SLIT2: variants seen among roughly 807,000 people sequenced by gnomAD.
SLIT2 encodes the protein slit guidance ligand 2, also known as slit homolog 2 protein.
Under a neutral mutation model 185.7 loss-of-function variants are expected in SLIT2, and 41 were observed. The observed-to-expected ratio is 0.22, with a 90% CI of 0.17 to 0.29. SLIT2 has a LOEUF of 0.29. SLIT2 is among the 10% of genes least tolerant of loss of function. The pLI, the probability that SLIT2 is intolerant of heterozygous loss-of-function variation, is 1.00. For missense variants in SLIT2, 1,571 were observed against 1,909.0 expected, an observed-to-expected ratio of 0.82 and a Z score of 3.30; for synonymous variants, 693 against 680.2, an observed-to-expected ratio of 1.02 and a Z score of -0.29.
At chr4:20,441,956 T>G (rs561595750) in intron 4 of SLIT2, among the ~76,000 whole-genome samples, 5 of 152,268 alleles carry the variant, frequency 3.3e-5, no homozygotes, top group African/African-American at 9.6e-5. Context: ...TAAAGTAATT[T>G]TAATAAAACA....
intron 14 of SLIT2, among the ~76,000 whole-genome samples, chr4:20,524,460 A>G (rs949150868): frequency 6.6e-6 from 1 of 152,218 alleles, no homozygotes; most frequent in African/African-American, 2.4e-5. Context: ...ACTTAACCAG[A>G]GCCTTATAGC....
intron 12 of SLIT2, among the ~76,000 whole-genome samples, chr4:20,521,477 C>T (rs560656068): frequency 2.0e-5 from 3 of 152,320 alleles, no homozygotes; most frequent in African/African-American, 7.2e-5. Flanking sequence ...GTACAAACTG[C>T]ATAGATGCAA....
chr4:20,593,940 G>T (rs7678566), intron 30 of SLIT2, among the ~76,000 whole-genome samples: 7,632 of 145,250 alleles, frequency 0.053, 237 homozygotes, highest in African/African-American at 0.085. Context: ...TACATACACT[G>T]CTACATACAC....
At chr4:20,331,421 A>G (rs1720058793) in intron 4 of SLIT2, among the ~76,000 whole-genome samples, 1 of 152,168 alleles carries the variant, frequency 6.6e-6, no homozygotes, top group African/African-American at 2.4e-5. Context: ...TCCCTGAGAA[A>G]AGGAAATTTT....
chr4:20,540,671 G>A (rs75976013), intron 19 of SLIT2, among the ~76,000 whole-genome samples: 1 of 152,110 alleles, frequency 6.6e-6, no homozygotes, highest in Non-Finnish European at 1.5e-5. Flanking sequence ...AACTTAAAAG[G>A]AGGGGAATAA....
At chr4:20,340,908 T>C (rs926434795) in intron 4 of SLIT2, among the ~76,000 whole-genome samples, 1 of 152,110 alleles carries the variant, frequency 6.6e-6, no homozygotes, top group Non-Finnish European at 1.5e-5. Flanking sequence ...GCCAATAAAT[T>C]TTGTAATATA....
chr4:20,294,832 T>C (rs1260179026), intron 4 of SLIT2, among the ~76,000 whole-genome samples: 3 of 152,132 alleles, frequency 2.0e-5, no homozygotes, highest in Non-Finnish European at 4.4e-5. Flanking sequence ...GACATCATAA[T>C]AGCAACATGG....
chr4:20,398,459 CAG>C (rs1380764799), intron 4 of SLIT2, among the ~76,000 whole-genome samples: 2 of 151,796 alleles, frequency 1.3e-5, no homozygotes, highest in African/African-American at 4.8e-5. Context: ...AAAAAGAGAA[CAG>C]AGTTATCCGT....
rs776064684 is a variant in SLIT2 at position 20,253,820 on chromosome 4, G to A, written c.5G>A (p.Arg2His). The change falls in exon 1 of 37, where the codon CGC becomes CAC. Residue 2 changes from arginine (R) to histidine (H), a missense_variant. This residue lies in a region of SLIT2 where 1,202 missense variants were observed against 1,416.4 expected (regional missense o/e 0.85). Transcript: ENST00000504154. M[R>H]GVGWQMLSLS... ...GGAAGGAGGCGGCGGGGAAAGATGCGCGGCGTTGGCTGGCAGATGCTGTCC... is the reference window on the plus strand; with the variant it reads ...GGAAGGAGGCGGCGGGGAAAGATGCACGGCGTTGGCTGGCAGATGCTGTCC... 2.4e-5 allele frequency: 39 copies of A among 1,598,508 alleles called. No individual in the cohort carries two copies. In the South Asian group the frequency reaches 3.5e-4, roughly 14 times the overall value.
At chr4:20,347,859 C>T (rs1721551551) in intron 4 of SLIT2, among the ~76,000 whole-genome samples, 1 of 152,162 alleles carries the variant, frequency 6.6e-6, no homozygotes, top group African/African-American at 2.4e-5. Context: ...GCTCTAGCAT[C>T]TTTTTATGCT....
intron 4 of SLIT2, among the ~76,000 whole-genome samples, chr4:20,398,311 C>A (rs984590778): frequency 6.6e-6 from 1 of 151,780 alleles, no homozygotes; most frequent in African/African-American, 2.4e-5. Flanking sequence ...GGAAAAGGGT[C>A]TTTGCATTTG....
At chr4:20,433,255 A>T (rs1012927760) in intron 4 of SLIT2, among the ~76,000 whole-genome samples, 10 of 152,328 alleles carry the variant, frequency 6.6e-5, no homozygotes, top group African/African-American at 2.2e-4. Flanking sequence ...ATTTCTGCCT[A>T]ATGAACTACC....
At chr4:20,529,839 G>A (rs374383798) in intron 16 of SLIT2, among the ~76,000 whole-genome samples, 5 of 152,192 alleles carry the variant, frequency 3.3e-5, no homozygotes, top group Admixed American at 2.0e-4. Context: ...AAACATCTTA[G>A]CCATGTTTAT....
At chr4:20,444,098 C>T (rs935990751) in intron 4 of SLIT2, among the ~76,000 whole-genome samples, 2 of 152,064 alleles carry the variant, frequency 1.3e-5, no homozygotes, top group African/African-American at 4.8e-5. Context: ...ATTATAGATA[C>T]TAATACAGAG....
Position 20,257,875 on chromosome 4 carries a change from A to T in SLIT2, c.259A>T (p.Met87Leu). ...GLRHLRVLQL[M>L]ENKISTIERG... ...TTATATTTTGCATTTCAGTCAGCTT[A>T]TGGAGAATAAGATTAGCACCATTGA... is the stretch of plus-strand genomic sequence containing the variant. The change falls in exon 3 of 37, where the codon ATG becomes TTG. Residue 87 changes from methionine (M) to leucine (L), a missense_variant. By Grantham distance (15) the Met-to-Leu change is conservative (BLOSUM62 2). This residue lies in a region of SLIT2 where 1,202 missense variants were observed against 1,416.4 expected (regional missense o/e 0.85). Transcript: ENST00000504154. 1.9e-6 allele frequency: 3 copies of T among 1,542,860 alleles called. No homozygotes were observed. The highest frequency in any genetic ancestry group is 2.7e-6 in the Non-Finnish European group (3 of 1,118,060).
intron 4 of SLIT2, among the ~76,000 whole-genome samples, chr4:20,423,829 G>A (rs895787557): frequency 6.6e-6 from 1 of 152,096 alleles, no homozygotes; most frequent in African/African-American, 2.4e-5. Context: ...ACTAAGAATG[G>A]ATGATTATGA....
intron 4 of SLIT2, among the ~76,000 whole-genome samples, chr4:20,323,275 G>A (rs1486124048): frequency 6.6e-6 from 1 of 152,152 alleles, no homozygotes; most frequent in Non-Finnish European, 1.5e-5. Context: ...CCAGGCAAAA[G>A]TAAAACCAAC....
At chr4:20,409,742 A>T (rs1007715724) in intron 4 of SLIT2, among the ~76,000 whole-genome samples, 1 of 152,084 alleles carries the variant, frequency 6.6e-6, no homozygotes, top group African/African-American at 2.4e-5. Context: ...TGTGTTTTTT[A>T]ACTTTTTAAT....
chr4:20,337,965 G>A (rs551163970), intron 4 of SLIT2, among the ~76,000 whole-genome samples: 1 of 152,240 alleles, frequency 6.6e-6, no homozygotes, highest in South Asian at 2.1e-4. Context: ...GCAATTGCTT[G>A]AAAGCTGCTT....
Sources: allele counts gnomAD v4.1 joint callset (sites outside exome capture counted in the v4.1 genomes callset), GRCh38; gene constraint gnomAD v4.1.1; regional missense constraint gnomAD v4.1.1; transcripts MANE v1.5; gene names NCBI Gene and HGNC (gene_info 2026-07-23, HGNC 2026-07-21).